FAM227B: variants seen among roughly 807,000 people sequenced by gnomAD.
FAM227B encodes the protein family with sequence similarity 227 member B.
In FAM227B, 88 loss-of-function variants were observed where a neutral mutation model predicts 73.8. That is an observed-to-expected ratio of 1.19 (90% confidence interval 1.00 to 1.42). The LOEUF (loss-of-function observed/expected upper bound fraction) is 1.42. Among genes scored for constraint, FAM227B ranks in the 40% most tolerant of loss-of-function variants. The probability of loss-of-function intolerance (pLI) is 0.00; values close to 1 mark genes in which losing one functional copy is unlikely to be tolerated. For synonymous variants in FAM227B, 210 were observed against 190.5 expected, an observed-to-expected ratio of 1.10 and a Z score of -0.84; for missense variants, 632 against 590.9, an observed-to-expected ratio of 1.07 and a Z score of -0.72.
At chr15:49,499,853 C>A (rs545244461) in intron 11 of FAM227B, among the ~76,000 whole-genome samples, 3 of 152,124 alleles carry the variant, frequency 2.0e-5, no homozygotes, top group South Asian at 4.2e-4. Flanking sequence ...AAAAATTACT[C>A]AAAATGAATT....
chr15:49,485,691 T>TA (rs1480240911), intron 11 of FAM227B: 3 of 152,448 alleles, frequency 2.0e-5, no homozygotes, highest in African/African-American at 4.8e-5. Context: ...TACAAATATG[T>TA]AAAAAATCTT....
intron 8 of FAM227B, among the ~76,000 whole-genome samples, chr15:49,573,986 TA>T (rs1308615207): frequency 6.6e-6 from 1 of 152,190 alleles, no homozygotes. Context: ...ATTGTTATGT[TA>T]GGTTGATGAA....
At chr15:49,413,504 AC>A (rs1429829484) in intron 11 of FAM227B, among the ~76,000 whole-genome samples, 5 of 152,050 alleles carry the variant, frequency 3.3e-5, no homozygotes, top group Non-Finnish European at 5.9e-5. Flanking sequence ...TCTCCAACAT[AC>A]ATCTAACTAC....
intron 5 of FAM227B, among the ~76,000 whole-genome samples, chr15:49,582,630 C>T (rs959909936): frequency 2.0e-5 from 3 of 152,128 alleles, no homozygotes; most frequent in Non-Finnish European, 2.9e-5. Context: ...GTCAAACGGA[C>T]CTGGCAGACA....
intron 11 of FAM227B, among the ~76,000 whole-genome samples, chr15:49,446,587 G>A: frequency 6.6e-6 from 1 of 151,002 alleles, no homozygotes; most frequent in Admixed American, 6.6e-5. Flanking sequence ...TTTCATAGAG[G>A]GTAAAGAGCT....
chr15:49,552,276 T>C (rs371888165), intron 9 of FAM227B, among the ~76,000 whole-genome samples: 13 of 152,244 alleles, frequency 8.5e-5, no homozygotes, highest in African/African-American at 3.1e-4. Flanking sequence ...TAAATGTTTT[T>C]GTTCCTTCAG....
At chr15:49,605,038 A>AT (rs1266531070) in intron 3 of FAM227B, among the ~76,000 whole-genome samples, 4 of 148,684 alleles carry the variant, frequency 2.7e-5, no homozygotes, top group Non-Finnish European at 6.0e-5. Context: ...GTAGATCTCT[A>AT]TTTTTTTAGG....
At chr15:49,355,133 A>G (rs2042918764) in intron 13 of FAM227B, among the ~76,000 whole-genome samples, 1 of 151,544 alleles carries the variant, frequency 6.6e-6, no homozygotes, top group Non-Finnish European at 1.5e-5. Flanking sequence ...AACCACAAAG[A>G]TGGGGAAAAA....
intron 13 of FAM227B, chr15:49,366,768 G>C: frequency 1.5e-6 from 1 of 674,802 alleles, no homozygotes; most frequent in Non-Finnish European, 2.4e-6. Context: ...CGCTGCCTCC[G>C]TGGCGGGGGC....
At chr15:49,478,591 A>G (rs2055585720) in intron 11 of FAM227B, among the ~76,000 whole-genome samples, 1 of 152,102 alleles carries the variant, frequency 6.6e-6, no homozygotes. Flanking sequence ...TTAACATGCC[A>G]AAGAGGGTAT....
chr15:49,464,990 T>C (rs1355203970), intron 11 of FAM227B, among the ~76,000 whole-genome samples: 3 of 152,162 alleles, frequency 2.0e-5, no homozygotes, highest in African/African-American at 4.8e-5. Flanking sequence ...AGTTTCTAAT[T>C]AAGAAACTAT....
intron 15 of FAM227B, chr15:49,329,388 A>G: frequency 2.0e-6 from 2 of 985,308 alleles, no homozygotes; most frequent in Non-Finnish European, 2.4e-6. Flanking sequence ...TGAGATAGCA[A>G]TGGTTTTATG....
At chr15:49,360,714 G>A (rs1419779165) in intron 13 of FAM227B, among the ~76,000 whole-genome samples, 1 of 152,050 alleles carries the variant, frequency 6.6e-6, no homozygotes, top group East Asian at 1.9e-4. Flanking sequence ...AATATCAAGT[G>A]ACCAAGTTTT....
chr15:49,581,141 T>C (rs1303202972), intron 5 of FAM227B, among the ~76,000 whole-genome samples: 1 of 152,124 alleles, frequency 6.6e-6, no homozygotes, highest in Non-Finnish European at 1.5e-5. Flanking sequence ...TGTGAGATAC[T>C]ATACAAGATG....
chr15:49,393,571 A>C (rs2047362028), intron 11 of FAM227B, among the ~76,000 whole-genome samples: 1 of 152,228 alleles, frequency 6.6e-6, no homozygotes, highest in East Asian at 1.9e-4. Flanking sequence ...CCAAGATCAA[A>C]TCTGCAAAAT....
intron 10 of FAM227B, among the ~76,000 whole-genome samples, chr15:49,532,603 A>C (rs1310481977): frequency 6.6e-6 from 1 of 151,892 alleles, no homozygotes; most frequent in Non-Finnish European, 1.5e-5. Context: ...AAAAAGCATC[A>C]AGTATGCCAT....
At chr15:49,591,381 C>G (rs1401194559) in intron 3 of FAM227B, among the ~76,000 whole-genome samples, 1 of 113,744 alleles carries the variant, frequency 8.8e-6, no homozygotes, top group Non-Finnish European at 1.9e-5. Context: ...CCCTCCCTCC[C>G]TTCCCTCCCT....
chr15:49,577,076 C>G (rs906103610), intron 6 of FAM227B: 1 of 395,902 alleles, frequency 2.5e-6, no homozygotes. Flanking sequence ...GTGGGTGGAT[C>G]ACTTGAGGTC....
intron 11 of FAM227B, among the ~76,000 whole-genome samples, chr15:49,437,822 T>C (rs1285905116): frequency 6.6e-6 from 1 of 151,684 alleles, no homozygotes; most frequent in East Asian, 1.9e-4. Flanking sequence ...AAGAGTCAAT[T>C]TCAGTAGAAT....
Sources: gnomAD v4.1 joint callset for allele counts (sites outside exome capture counted in the v4.1 genomes callset) on GRCh38, gnomAD v4.1.1 for gene constraint, MANE v1.5 for transcripts, NCBI Gene and HGNC (gene_info 2026-07-23, HGNC 2026-07-21) for gene names.